SH3PXD2A: variants seen among roughly 807,000 people sequenced by gnomAD.
SH3PXD2A encodes the protein SH3 and PX domain-containing protein 2A.
A neutral mutation model predicts 115.2 loss-of-function variants in SH3PXD2A; 32 were observed. The observed-to-expected ratio is 0.28, with a 90% confidence interval of 0.21 to 0.37. The LOEUF is 0.37. SH3PXD2A is among the 10% of genes least tolerant of loss of function. The pLI is 1.00. For missense variants in SH3PXD2A, 1,328 were observed against 1,498.7 expected, an observed-to-expected ratio of 0.89 and a Z score of 1.88; for synonymous variants, 610 against 629.1, an observed-to-expected ratio of 0.97 and a Z score of 0.45.
chr10:103,735,919 C>T lies in SH3PXD2A; in HGVS notation c.230-111G>A, dbSNP rs953303798. 13 of 827,420 alleles carry T rather than the reference C, an allele frequency of 1.6e-5. No individual in the cohort carries two copies. In the African/African-American group the frequency reaches 1.7e-4, roughly 11 times the overall value. 51.3% of individuals were successfully genotyped at this position (827,420 alleles called of 1,614,324 possible). On this transcript the variant is annotated intron_variant, in intron 3 of 14. Transcript: ENST00000369774. ...CATCTTAGTCCAGCACTACCTGCCA[C>T]CACCCCGTCCACGGTCAAGGAAACA... is the stretch of plus-strand genomic sequence containing the variant.
chr10:103,800,164 C>G (rs78477556), intron 2 of SH3PXD2A, among the ~76,000 whole-genome samples: 3,347 of 152,184 alleles, frequency 0.022, 118 homozygotes, highest in African/African-American at 0.076. Context: ...TCTAGAACAT[C>G]TTGGCTCTAC....
At position 103,819,089 on chromosome 10, in the gene SH3PXD2A, T is replaced by C. The variant is rs147313982; in HGVS notation, c.73-17727A>G. ...AAGCCATGTTACTTGTCTGATAAAA[T>C]TCAGTCCAGTCCCGTCAAGAAGGAT... On this transcript the variant is annotated intron_variant, in intron 1 of 14. Coordinates refer to ENST00000369774, the MANE Select transcript of SH3PXD2A (RefSeq NM_001394015.1). Among the ~76,000 whole-genome samples, 775 of 152,318 alleles carry C rather than the reference T, an allele frequency of 5.1e-3. 2 individuals carry two copies. Among genetic ancestry groups the C allele is most frequent in the African/African-American group, 0.015 (617 of 41,572 alleles).
At chr10:103,785,970 A>C (rs577629258) in intron 2 of SH3PXD2A, among the ~76,000 whole-genome samples, 6 of 152,184 alleles carry the variant, frequency 3.9e-5, no homozygotes, top group African/African-American at 1.4e-4. Context: ...AGCCACAGCC[A>C]GAGATGGGCT....
intron 8 of SH3PXD2A, among the ~76,000 whole-genome samples, chr10:103,658,166 A>G (rs1373667181): frequency 2.0e-5 from 3 of 152,194 alleles, no homozygotes; most frequent in Non-Finnish European, 2.9e-5. Context: ...CTTTAGACCA[A>G]TGAGAGCACA....
chr10:103,603,420 G>A lies in SH3PXD2A; in HGVS notation c.1798C>T (p.Arg600Trp), dbSNP rs772194389. The change falls in exon 15 of 15, where the codon CGG (arginine) becomes TGG (tryptophan). Residue 600 changes from arginine to tryptophan, a missense_variant. Coordinates refer to ENST00000369774, the MANE Select transcript of SH3PXD2A (RefSeq NM_001394015.1). ...GACTCACCCACCTTGAAGCGGGCCC[G>A]CTGCAGAGAAGAGGCCGGCGAGGGC... ...HRPSPASSLQRARFKVGESSE... is the reference protein window; with the variant it reads ...HRPSPASSLQWARFKVGESSE... The A allele has an allele frequency of 1.1e-5, 18 of 1,613,998 alleles. No individual in the cohort carries two copies. Among genetic ancestry groups the A allele is most frequent in the Middle Eastern group, 1.7e-4 (1 of 6,060 alleles).
Position 103,652,531 on chromosome 10 carries a change from T to A in SH3PXD2A, c.604+8452A>T, listed in dbSNP as rs568485957. ...AACCCAACTGCTGAAGGGTGTAATA[T>A]CACATGGCCACAGGATAAGCTGGGG... On this transcript the variant is annotated intron_variant, in intron 8 of 14. Transcript: ENST00000369774. Among the ~76,000 whole-genome samples, 12 of 152,236 alleles carry A rather than the reference T, an allele frequency of 7.9e-5. No homozygotes were observed. In the South Asian group the frequency reaches 2.3e-3, roughly 29 times the overall value.
chr10:103,644,328 C>G (rs2037002392), intron 8 of SH3PXD2A, among the ~76,000 whole-genome samples: 1 of 151,834 alleles, frequency 6.6e-6, no homozygotes, highest in Non-Finnish European at 1.5e-5. Context: ...ACCTGTAATC[C>G]CAGCACTTTG....
intron 1 of SH3PXD2A, among the ~76,000 whole-genome samples, chr10:103,853,343 T>C (rs2134334384): frequency 6.6e-6 from 1 of 152,380 alleles, no homozygotes; most frequent in Non-Finnish European, 1.5e-5. Flanking sequence ...TCACCAATAA[T>C]AAGCTACCAT....
chr10:103,806,436 C>T (rs1248519164), intron 1 of SH3PXD2A, among the ~76,000 whole-genome samples: 1 of 152,076 alleles, frequency 6.6e-6, no homozygotes, highest in Non-Finnish European at 1.5e-5. Flanking sequence ...TTAAGTCTCC[C>T]TGAGCTGGCC....
At chr10:103,773,245 A>G (rs2038846980) in intron 2 of SH3PXD2A, among the ~76,000 whole-genome samples, 2 of 127,550 alleles carry the variant, frequency 1.6e-5, no homozygotes, top group East Asian at 2.0e-4. Context: ...AAAAAAAGAG[A>G]AAAAAAGAGA....
chr10:103,672,274 G>T (rs963032674), intron 6 of SH3PXD2A, among the ~76,000 whole-genome samples: 1 of 152,216 alleles, frequency 6.6e-6, no homozygotes, highest in Non-Finnish European at 1.5e-5. Context: ...CACAGAGTGA[G>T]ACTCTGTCTA....
chr10:103,767,911 T>C (rs769248657), intron 2 of SH3PXD2A, among the ~76,000 whole-genome samples: 10 of 149,266 alleles, frequency 6.7e-5, no homozygotes, highest in Non-Finnish European at 1.5e-4. Flanking sequence ...GGCCCCTTTG[T>C]GTGTGGCTGA....
At chr10:103,640,113 G>A (rs887724511) in intron 8 of SH3PXD2A, among the ~76,000 whole-genome samples, 5 of 152,154 alleles carry the variant, frequency 3.3e-5, no homozygotes, top group African/African-American at 7.2e-5. Context: ...TTAGGAGTTC[G>A]AGACCAGTCT....
intron 3 of SH3PXD2A, chr10:103,736,685 G>A: frequency 1.1e-6 from 1 of 939,662 alleles, no homozygotes; most frequent in Non-Finnish European, 1.5e-6. Flanking sequence ...ACAACTCGTT[G>A]TCCATTCCTA....
chr10:103,755,347 G>A (rs1564881257), intron 3 of SH3PXD2A: 1 of 152,224 alleles, frequency 6.6e-6, no homozygotes, highest in Non-Finnish European at 1.5e-5. Context: ...TTTCAGAGAT[G>A]GGGATTATGA....
rs763554864 is a variant in SH3PXD2A at position 103,627,648 on chromosome 10, G to A, written c.605-446C>T. Among the ~76,000 whole-genome samples the A allele has an allele frequency of 2.1e-4, 32 of 152,210 alleles. No homozygotes were observed. Among genetic ancestry groups the A allele is most frequent in the Non-Finnish European group, 4.1e-4 (28 of 68,036 alleles). On this transcript the variant is annotated intron_variant, in intron 8 of 14. Transcript: ENST00000369774. This position sits in a 1 kb window ranked among gnomAD's most constrained non-coding sequence, Gnocchi z 4.4. Reference sequence around the variant, plus strand: ...TCACAGACAGTCTCTAACGGTCAACGGTTGCCTTTTCCCCATCGCGGGTCA... The same window carrying A: ...TCACAGACAGTCTCTAACGGTCAACAGTTGCCTTTTCCCCATCGCGGGTCA...
At chr10:103,839,368 A>G (rs148299131) in intron 1 of SH3PXD2A, among the ~76,000 whole-genome samples, 484 of 152,312 alleles carry the variant, frequency 3.2e-3, no homozygotes, top group African/African-American at 0.011. Context: ...GGATTCTTTC[A>G]GGGGATGCTC....
At chr10:103,617,921 C>T (rs2036543729) in intron 10 of SH3PXD2A, among the ~76,000 whole-genome samples, 1 of 152,198 alleles carries the variant, frequency 6.6e-6, no homozygotes, top group Non-Finnish European at 1.5e-5. Context: ...CAAGAGGAGT[C>T]CATGGAACCC....
intron 8 of SH3PXD2A, among the ~76,000 whole-genome samples, chr10:103,633,039 A>G (rs2036805921): frequency 6.6e-6 from 1 of 152,152 alleles, no homozygotes; most frequent in South Asian, 2.1e-4. Flanking sequence ...AGTCTGACAC[A>G]GGAAGGACCT....
Sources: allele counts gnomAD v4.1 joint callset (sites outside exome capture counted in the v4.1 genomes callset), GRCh38; gene constraint gnomAD v4.1.1; non-coding constraint Gnocchi (gnomAD v3.1); transcripts MANE v1.5; gene names NCBI Gene and HGNC (gene_info 2026-07-23, HGNC 2026-07-21).